KCNK12: variants seen among roughly 807,000 people sequenced by gnomAD.
KCNK12 encodes potassium channel subfamily K member 12.
A neutral mutation model predicts 25.3 loss-of-function variants in KCNK12; 6 were observed. That is an observed-to-expected ratio of 0.24 (90% CI 0.13 to 0.47). KCNK12 has a LOEUF of 0.47. Among genes scored for constraint, KCNK12 ranks in the 20% least tolerant of loss-of-function variants. The probability of loss-of-function intolerance (pLI) is 0.99; values close to 1 mark genes in which losing one functional copy is unlikely to be tolerated. For synonymous variants in KCNK12, 331 were observed against 311.1 expected, an observed-to-expected ratio of 1.06 and a Z score of -0.67; for missense variants, 444 against 661.7, an observed-to-expected ratio of 0.67 and a Z score of 3.61.
rs113135288 is a variant in KCNK12 at position 47,538,563 on chromosome 2, G to A, written c.392-16755C>T. ...AGACAGGTGGATCACTTGAGGTCAG[G>A]AGTTTGAGACCAGCCTGGCCAACAT... is the stretch of plus-strand genomic sequence containing the variant. On this transcript the variant is annotated intron_variant, in intron 1 of 1. Coordinates refer to ENST00000327876, the MANE Select transcript of KCNK12 (RefSeq NM_022055.2). This position sits in a 1 kb window ranked among gnomAD's most constrained non-coding sequence, Gnocchi z 4.5. 8.2e-3 allele frequency among the ~76,000 whole-genome samples: 1,255 copies of A among 152,294 alleles called. 6 individuals carry two copies. The highest frequency in any genetic ancestry group is 0.014 in the Non-Finnish European group (968 of 68,012).
chr2:47,532,748 A>C (rs1222803383), intron 1 of KCNK12, among the ~76,000 whole-genome samples: 1 of 152,164 alleles, frequency 6.6e-6, no homozygotes, highest in Non-Finnish European at 1.5e-5. Flanking sequence ...CCAGCATCCA[A>C]GCCTAGCACC....
rs928261617 is a variant in KCNK12, at chr2:47,538,246, G to A, written c.392-16438C>T. Among the ~76,000 whole-genome samples, 1 of 152,104 alleles carries A rather than the reference G, an allele frequency of 6.6e-6. No homozygotes were observed. Among genetic ancestry groups the A allele is most frequent in the Non-Finnish European group, 1.5e-5 (1 of 68,024 alleles). Reference sequence around the variant, plus strand: ...GGAATAATAAACTACAAACAATTACGTGGCCTGTGAGAAAGTGGCAAGTAC... The same window carrying A: ...GGAATAATAAACTACAAACAATTACATGGCCTGTGAGAAAGTGGCAAGTAC... On this transcript the variant is annotated intron_variant, in intron 1 of 1. Coordinates refer to ENST00000327876, the MANE Select transcript of KCNK12 (RefSeq NM_022055.2). This position sits in a 1 kb window ranked among gnomAD's most constrained non-coding sequence, Gnocchi z 4.5.
Position 47,548,731 on chromosome 2 carries a change from G to C in KCNK12, c.391+21210C>G, listed in dbSNP as rs2104839517. Among the ~76,000 whole-genome samples, 1 of 152,328 alleles carries C rather than the reference G, an allele frequency of 6.6e-6. No individual in the cohort carries two copies. Among genetic ancestry groups the C allele is most frequent in the East Asian group, 1.9e-4 (1 of 5,188 alleles). The stretch of plus-strand genomic sequence containing the variant: ...AGACATTGGAAAAAAGGTAGTTCAG[G>C]ATTATGGTCCCTGAGAGAAGGGAAA... On this transcript the variant is annotated intron_variant, in intron 1 of 1. Transcript: ENST00000327876. The surrounding 1 kb of genome is among the most constrained non-coding windows in gnomAD (Gnocchi z 4.4).
At chr2:47,550,032 G>C (rs1669393661) in intron 1 of KCNK12, among the ~76,000 whole-genome samples, 1 of 151,502 alleles carries the variant, frequency 6.6e-6, no homozygotes, top group South Asian at 2.1e-4. Context: ...TGAACTTGAA[G>C]ACATAGCAAT....
chr2:47,562,155 C>G lies in KCNK12; in HGVS notation c.391+7786G>C, dbSNP rs1178732487. 1 of 398,532 alleles carries G rather than the reference C, an allele frequency of 2.5e-6. No individual in the cohort carries two copies. Among genetic ancestry groups the G allele is most frequent in the Non-Finnish European group, 4.4e-6 (1 of 226,096 alleles). 24.7% of individuals were successfully genotyped at this position (398,532 alleles called of 1,614,324 possible). Reference sequence around the variant, plus strand: ...GAGGAATGCAGACTGTCAGGTCCCACCCCAGACCTACTCAACAGAAACTAC... The same window carrying G: ...GAGGAATGCAGACTGTCAGGTCCCAGCCCAGACCTACTCAACAGAAACTAC... On this transcript the variant is annotated intron_variant, in intron 1 of 1. Coordinates refer to ENST00000327876, the MANE Select transcript of KCNK12 (RefSeq NM_022055.2). This position sits in a 1 kb window ranked among gnomAD's most constrained non-coding sequence, Gnocchi z 4.8.
chr2:47,552,356 G>A (rs2104853107), intron 1 of KCNK12, among the ~76,000 whole-genome samples: 1 of 152,190 alleles, frequency 6.6e-6, no homozygotes, highest in South Asian at 2.1e-4. Context: ...TGGAGGAGGG[G>A]TATCCTCCTC....
At position 47,516,075 on chromosome 2, in the gene KCNK12, G is replaced by T. The variant is rs1173524783; in HGVS notation, c.*4832C>A. 6.6e-6 allele frequency among the ~76,000 whole-genome samples: 1 copy of T among 152,184 alleles called. No homozygotes were observed. Among genetic ancestry groups the T allele is most frequent in the Admixed American group, 6.5e-5 (1 of 15,268 alleles). On this transcript the variant is annotated 3_prime_UTR_variant, in exon 2 of 2. Coordinates refer to ENST00000327876, the MANE Select transcript of KCNK12 (RefSeq NM_022055.2). ...TCCCACTTTAGAGATGAGGAAACAGGATCAGAGTGAGCTAAATGACTGCCA... is the reference window on the plus strand; with the variant it reads ...TCCCACTTTAGAGATGAGGAAACAGTATCAGAGTGAGCTAAATGACTGCCA...
intron 1 of KCNK12, among the ~76,000 whole-genome samples, chr2:47,545,542 C>T (rs953135108): frequency 6.6e-6 from 1 of 152,202 alleles, no homozygotes; most frequent in Non-Finnish European, 1.5e-5. Context: ...TCATCATTTT[C>T]GCAGCACCAA....
In KCNK12 at chr2:47,515,687, G is replaced by C. The variant is rs1441751365; in HGVS notation, c.*5220C>G. The stretch of plus-strand genomic sequence containing the variant: ...AGGTGGGTGGGGCCAGTGTGAGCCT[G>C]ATGGTCAATTACTTCTCATTTCTAG... On this transcript the variant is annotated 3_prime_UTR_variant, in exon 2 of 2. Transcript: ENST00000327876. Among the ~76,000 whole-genome samples, 1 of 152,216 alleles carries C rather than the reference G, an allele frequency of 6.6e-6. No individual in the cohort carries two copies. Among genetic ancestry groups the C allele is most frequent in the Non-Finnish European group, 1.5e-5 (1 of 68,044 alleles).
intron 1 of KCNK12, chr2:47,564,976 T>C (rs1033755724): frequency 6.6e-6 from 1 of 151,532 alleles, no homozygotes; most frequent in Non-Finnish European, 1.5e-5. Flanking sequence ...GACATCAGCC[T>C]GGGCAATGTA....
rs952869192 is a variant in KCNK12 at position 47,569,789 on chromosome 2, G to A, written c.391+152C>T. On this transcript the variant is annotated intron_variant, in intron 1 of 1. Coordinates refer to ENST00000327876, the MANE Select transcript of KCNK12 (RefSeq NM_022055.2). The surrounding 1 kb of genome is among the most constrained non-coding windows in gnomAD (Gnocchi z 4.1). ...GAGGGAGAGAGAGAGAGAGAACGGG[G>A]GCCGGCGGAGAAGAGGGCGAGACGA... The A allele has an allele frequency of 3.4e-6, 2 of 594,018 alleles. No individual in the cohort carries two copies. Among genetic ancestry groups the A allele is most frequent in the African/African-American group, 1.9e-5 (1 of 51,546 alleles). The allele number at this position is 594,018 out of a possible 1,614,324, so 36.8% of individuals were successfully genotyped here.
chr2:47,547,950 G>A lies in KCNK12; in HGVS notation c.391+21991C>T, dbSNP rs1184740167. On this transcript the variant is annotated intron_variant, in intron 1 of 1. Coordinates refer to ENST00000327876, the MANE Select transcript of KCNK12 (RefSeq NM_022055.2). The surrounding 1 kb of genome is among the most constrained non-coding windows in gnomAD (Gnocchi z 5.0). ...TGTTGGAGGAGGGGCGTGGTGGGAA[G>A]TGATTGGAACATGGGGGTGGATTTC... 6.6e-6 allele frequency among the ~76,000 whole-genome samples: 1 copy of A among 152,170 alleles called. No individual in the cohort carries two copies. The highest frequency in any genetic ancestry group is 2.4e-5 in the African/African-American group (1 of 41,436).
chr2:47,523,080 G>A (rs1668695440), intron 1 of KCNK12, among the ~76,000 whole-genome samples: 1 of 152,200 alleles, frequency 6.6e-6, no homozygotes, highest in African/African-American at 2.4e-5. Context: ...CCGAACAACT[G>A]TTGACTACGA....
Position 47,512,683 on chromosome 2 carries a change from C to T in KCNK12, c.*8224G>A. 2.4e-6 allele frequency: 1 copy of T among 417,624 alleles called. No individual in the cohort carries two copies. Among genetic ancestry groups the T allele is most frequent in the South Asian group, 3.9e-5 (1 of 25,784 alleles). 25.9% of individuals were successfully genotyped at this position (417,624 alleles called of 1,614,324 possible). A position where few individuals can be genotyped will look rare whatever the true frequency, so the allele number is the denominator to read the frequency against. On this transcript the variant is annotated 3_prime_UTR_variant, in exon 2 of 2. Transcript: ENST00000327876. Reference sequence around the variant, plus strand: ...ACACCCACTGCCTCTGAACTCTGCTCTGCATTGCTGAGCAAACTACATTTC... The same window carrying T: ...ACACCCACTGCCTCTGAACTCTGCTTTGCATTGCTGAGCAAACTACATTTC...
Position 47,570,209 on chromosome 2 carries a change from C to A in KCNK12, c.123G>T (p.Leu41=). 1 of 1,494,912 alleles carries A rather than the reference C, an allele frequency of 6.7e-7. No homozygotes were observed. The allele number at this position is 1,494,912 out of a possible 1,614,324, so 92.6% of individuals were successfully genotyped here. A position where few individuals can be genotyped will look rare whatever the true frequency, so the allele number is the denominator to read the frequency against. Residue 41 remains leucine (L), a synonymous_variant, in exon 1 of 2, where the codon CTG becomes CTT. Coordinates refer to ENST00000327876, the MANE Select transcript of KCNK12 (RefSeq NM_022055.2). The part of the protein sequence containing the change: ...HLNEDTGRFV[L]LAALIGLYLV... ...GGTAGAGGCCGATGAGCGCCGCCAG[C>A]AGCACGAAGCGGCCGGTGTCCTCGT...
Position 47,562,166 on chromosome 2 carries a change from C to T in KCNK12, c.391+7775G>A, listed in dbSNP as rs912410175. 5 of 398,556 alleles carry T rather than the reference C, an allele frequency of 1.3e-5. No homozygotes were observed. The highest frequency in any genetic ancestry group is 1.3e-4 in the South Asian group (1 of 7,864). The allele number at this position is 398,556 out of a possible 1,614,324, so 24.7% of individuals were successfully genotyped here. A position where few individuals can be genotyped will look rare whatever the true frequency, so the allele number is the denominator to read the frequency against. On this transcript the variant is annotated intron_variant, in intron 1 of 1. Coordinates refer to ENST00000327876, the MANE Select transcript of KCNK12 (RefSeq NM_022055.2). This position sits in a 1 kb window ranked among gnomAD's most constrained non-coding sequence, Gnocchi z 4.8. ...ACTGTCAGGTCCCACCCCAGACCTA[C>T]TCAACAGAAACTACTTGGTAAGCAG...
At chr2:47,567,677 GAGCTGTACAC>G (rs1198232031) in intron 1 of KCNK12, among the ~76,000 whole-genome samples, 1 of 152,196 alleles carries the variant, frequency 6.6e-6, no homozygotes, top group African/African-American at 2.4e-5. Context: ...GTTCAACCCT[GAGCTGTACAC>G]AGGCTGGTTT....
chr2:47,566,402 G>A lies in KCNK12; in HGVS notation c.391+3539C>T, dbSNP rs1055939189. 3 of 151,840 alleles carry A rather than the reference G, an allele frequency of 2.0e-5. No homozygotes were observed. Among genetic ancestry groups the A allele is most frequent in the Non-Finnish European group, 4.4e-5 (3 of 67,952 alleles). The allele number at this position is 151,840 out of a possible 1,614,324, so 9.4% of individuals were successfully genotyped here. A position where few individuals can be genotyped will look rare whatever the true frequency, so the allele number is the denominator to read the frequency against. On this transcript the variant is annotated intron_variant, in intron 1 of 1. Transcript: ENST00000327876. This position sits in a 1 kb window ranked among gnomAD's most constrained non-coding sequence, Gnocchi z 4.1. Reference sequence around the variant, plus strand: ...CCTCTATACACATGTGCTCTCAAGAGTGTGTGTGTGCACGTGTGTACACAC... The same window carrying A: ...CCTCTATACACATGTGCTCTCAAGAATGTGTGTGTGCACGTGTGTACACAC...
rs1268550331 is a variant in KCNK12 at position 47,547,972 on chromosome 2, T to C, written c.391+21969A>G. On this transcript the variant is annotated intron_variant, in intron 1 of 1. Transcript: ENST00000327876. The surrounding 1 kb of genome is among the most constrained non-coding windows in gnomAD (Gnocchi z 5.0). ...GAAGTGATTGGAACATGGGGGTGGA[T>C]TTCCCCCTTGCCGTTCTCATGATAG... 1.3e-5 allele frequency among the ~76,000 whole-genome samples: 2 copies of C among 152,142 alleles called. No individual in the cohort carries two copies. Among genetic ancestry groups the C allele is most frequent in the African/African-American group, 2.4e-5 (1 of 41,434 alleles).
Sources: gnomAD v4.1 joint callset for allele counts (sites outside exome capture counted in the v4.1 genomes callset) on GRCh38, gnomAD v4.1.1 for gene constraint, Gnocchi (gnomAD v3.1) non-coding constraint, MANE v1.5 for transcripts, NCBI Gene and HGNC (gene_info 2026-07-23, HGNC 2026-07-21) for gene names.